SLCO4C1: variants seen among roughly 807,000 people sequenced by gnomAD.
SLCO4C1 encodes the protein organic anion transporter M1.
Under a neutral mutation model 72.1 loss-of-function variants are expected in SLCO4C1, and 58 were observed. The ratio of observed to expected loss-of-function variants is 0.80; its 90% CI spans 0.65 to 1.00. SLCO4C1 has a LOEUF of 1.00. SLCO4C1 is among the 50% of genes least tolerant of loss of function. The pLI is 0.00. For synonymous variants in SLCO4C1, 297 were observed against 312.5 expected (o/e 0.95, Z 0.52); for missense variants, 898 against 857.9 (o/e 1.05, Z -0.58).
intron 8 of SLCO4C1, among the ~76,000 whole-genome samples, chr5:102,251,529 G>A (rs1226579948): frequency 6.6e-6 from 1 of 151,696 alleles, no homozygotes; most frequent in Non-Finnish European, 1.5e-5. Flanking sequence ...GTTTGAGGCT[G>A]CAGTGAGTTA....
intron 2 of SLCO4C1, among the ~76,000 whole-genome samples, chr5:102,286,468 C>T (rs191013954): frequency 3.3e-5 from 5 of 152,066 alleles, no homozygotes; most frequent in Admixed American, 2.6e-4. Context: ...ATTTACTTAT[C>T]GCATTTTAAA....
chr5:102,266,973 C>T (rs1749053550), intron 3 of SLCO4C1, among the ~76,000 whole-genome samples: 1 of 152,136 alleles, frequency 6.6e-6, no homozygotes, highest in Non-Finnish European at 1.5e-5. Context: ...TCACTGAGAT[C>T]AATTCCACTT....
intron 8 of SLCO4C1, among the ~76,000 whole-genome samples, chr5:102,252,215 C>A (rs1269469105): frequency 4.6e-5 from 7 of 152,064 alleles, no homozygotes; most frequent in Non-Finnish European, 8.8e-5. Context: ...AGGGGTCAAA[C>A]ACAGTAAATG....
At chr5:102,264,552 T>C (rs1378068324) in intron 3 of SLCO4C1, among the ~76,000 whole-genome samples, 4 of 152,032 alleles carry the variant, frequency 2.6e-5, no homozygotes, top group African/African-American at 7.2e-5. Context: ...AATACATCTA[T>C]ACAATGTGTA....
At chr5:102,259,044 A>G (rs903577175) in intron 6 of SLCO4C1, among the ~76,000 whole-genome samples, 1 of 152,124 alleles carries the variant, frequency 6.6e-6, no homozygotes, top group Non-Finnish European at 1.5e-5. Flanking sequence ...TGAAAAGAAT[A>G]AGTCAGAATC....
chr5:102,252,094 G>C (rs1049691697), intron 8 of SLCO4C1, among the ~76,000 whole-genome samples: 1 of 148,992 alleles, frequency 6.7e-6, no homozygotes, highest in Non-Finnish European at 1.5e-5. Context: ...GGGAAGAAGG[G>C]AGGAAGGGAA....
chr5:102,285,067 T>G (rs957860445), intron 2 of SLCO4C1, among the ~76,000 whole-genome samples: 2 of 152,122 alleles, frequency 1.3e-5, no homozygotes, highest in African/African-American at 4.8e-5. Context: ...AAAATGGACA[T>G]GTATGTCCTA....
At chr5:102,238,271 G>T (rs1359557495) in intron 12 of SLCO4C1, among the ~76,000 whole-genome samples, 1 of 151,994 alleles carries the variant, frequency 6.6e-6, no homozygotes, top group Admixed American at 6.6e-5. Context: ...CAAACAAAAT[G>T]AATTAAATAA....
intron 2 of SLCO4C1, 126 bp from the exon 3 acceptor site, chr5:102,270,932 T>G (rs1749141335): frequency 1.4e-5 from 11 of 791,896 alleles, no homozygotes; most frequent in Admixed American, 3.4e-5. Flanking sequence ...TTACTTTGAT[T>G]TAAACTATTT....
At chr5:102,278,842 G>T (rs1333505110) in intron 2 of SLCO4C1, among the ~76,000 whole-genome samples, 1 of 151,358 alleles carries the variant, frequency 6.6e-6, no homozygotes. Flanking sequence ...TACAACTCAA[G>T]CAGTACTGAA....
rs185250148 is a variant in SLCO4C1 at position 102,237,274 on chromosome 5, T to A, written c.2015-256A>T. ...CTTATTCTTGGTTATGCTTGTGCAT[T>A]CTTGTAAAATAAGTGTTGTATAGAA... On this transcript the variant is annotated intron_variant, in intron 12 of 12. Coordinates refer to ENST00000310954, the MANE Select transcript of SLCO4C1 (RefSeq NM_180991.5). Among the ~76,000 whole-genome samples, 4 of 152,128 alleles carry A rather than the reference T, an allele frequency of 2.6e-5. 1 individual carries two copies. The highest frequency in any genetic ancestry group is 2.0e-4 in the Admixed American group (3 of 15,254).
At chr5:102,270,992 C>G (rs922842530) in intron 2 of SLCO4C1, among the ~76,000 whole-genome samples, 186 bp from the exon 3 acceptor site, 18 of 152,098 alleles carry the variant, frequency 1.2e-4, no homozygotes, top group Admixed American at 9.8e-4. Context: ...CCTGCCCTCA[C>G]TTTATGAAGG....
At chr5:102,263,982 T>C (rs945220561) in intron 3 of SLCO4C1, among the ~76,000 whole-genome samples, 5 of 152,122 alleles carry the variant, frequency 3.3e-5, no homozygotes, top group Non-Finnish European at 5.9e-5. Context: ...ATAAAAGCTA[T>C]TTGTAGTAAT....
At chr5:102,277,874 C>CTA (rs1158700954) in intron 2 of SLCO4C1, among the ~76,000 whole-genome samples, 1 of 151,930 alleles carries the variant, frequency 6.6e-6, no homozygotes, top group Non-Finnish European at 1.5e-5. Context: ...ACTCAAAACA[C>CTA]TACAGATAAA....
At chr5:102,244,866 G>C (rs1748609391) in intron 10 of SLCO4C1, among the ~76,000 whole-genome samples, 1 of 152,136 alleles carries the variant, frequency 6.6e-6, no homozygotes, top group African/African-American at 2.4e-5. Flanking sequence ...ATCAATGCCA[G>C]GCCTGTCCTA....
At chr5:102,293,677 T>C (rs1353964503) in intron 1 of SLCO4C1, among the ~76,000 whole-genome samples, 1 of 152,236 alleles carries the variant, frequency 6.6e-6, no homozygotes, top group Non-Finnish European at 1.5e-5. Context: ...CAATAAAGTT[T>C]TCAGGCATTC....
Position 102,257,100 on chromosome 5 carries a change from C to T in SLCO4C1, c.1469+15G>A, listed in dbSNP as rs749347615. On this transcript the variant is annotated intron_variant, in intron 8 of 12. Transcript: ENST00000310954. ...ATTCTGGTATTAATATCAAAAAGCACTGAATTGTATTTACCCATTATATGA... is the reference window on the plus strand; with the variant it reads ...ATTCTGGTATTAATATCAAAAAGCATTGAATTGTATTTACCCATTATATGA... 1 of 1,486,420 alleles carries T rather than the reference C, an allele frequency of 6.7e-7. No homozygotes were observed. The highest frequency in any genetic ancestry group is 9.0e-7 in the Non-Finnish European group (1 of 1,115,160). 92.1% of individuals were successfully genotyped at this position (1,486,420 alleles called of 1,614,324 possible). A position where few individuals can be genotyped will look rare whatever the true frequency, so the allele number is the denominator to read the frequency against.
At position 102,236,943 on chromosome 5, in the gene SLCO4C1, G is replaced by A; in HGVS notation, c.2090C>T (p.Thr697Ile). The change falls in exon 13 of 13, where the codon ACA (threonine) becomes ATA (isoleucine). Residue 697 changes from threonine (T) to isoleucine (I), a missense_variant. Thr to Ile is a moderately conservative substitution (Grantham distance 89, BLOSUM62 -1). Coordinates refer to ENST00000310954, the MANE Select transcript of SLCO4C1 (RefSeq NM_180991.5). ...ATTCTCTTTATGAAATGACACATCTGTGGCTGATGGAGGTGGTTTATACAA... is the reference window on the plus strand; with the variant it reads ...ATTCTCTTTATGAAATGACACATCTATGGCTGATGGAGGTGGTTTATACAA... Reference protein sequence around the residue: ...IFLYKPPPSATDVSFHKENAV... With the variant: ...IFLYKPPPSAIDVSFHKENAV... 1 of 1,612,664 alleles carries A rather than the reference G, an allele frequency of 6.2e-7. No individual in the cohort carries two copies. Among genetic ancestry groups the A allele is most frequent in the Admixed American group, 1.7e-5 (1 of 59,906 alleles).
chr5:102,266,680 A>C (rs893157387), intron 3 of SLCO4C1, among the ~76,000 whole-genome samples: 11 of 151,960 alleles, frequency 7.2e-5, no homozygotes, highest in South Asian at 2.1e-4. Context: ...AAGAAAAAAA[A>C]CAGAAAGTGG....
Sources: gnomAD v4.1 joint callset for allele counts (sites outside exome capture counted in the v4.1 genomes callset) on GRCh38, gnomAD v4.1.1 for gene constraint, MANE v1.5 for transcripts, NCBI Gene and HGNC (gene_info 2026-07-23, HGNC 2026-07-21) for gene names.